Variants in KMT2E observed in about 807,000 individuals in gnomAD.
The protein encoded by KMT2E is histone reader KMT2E.
KMT2E carries 30 observed loss-of-function variants against 184.6 expected under a neutral mutation model. The ratio of observed to expected loss-of-function variants is 0.16; its 90% CI spans 0.12 to 0.22. The LOEUF is 0.22. Ranked by LOEUF, KMT2E falls within the 10% of genes least tolerant of loss-of-function variation. KMT2E has a pLI of 1.00. For missense variants in KMT2E, 2,023 were observed against 2,237.4 expected, an observed-to-expected ratio of 0.90 and a Z score of 1.93; for synonymous variants, 815 against 776.5, an observed-to-expected ratio of 1.05 and a Z score of -0.82.
chr7:105,061,559 C>A (rs942954836), intron 3 of KMT2E, among the ~76,000 whole-genome samples: 2 of 152,144 alleles, frequency 1.3e-5, no homozygotes, highest in African/African-American at 2.4e-5. Context: ...AAGTCAACAA[C>A]AGTGGGCAAA....
chr7:105,102,886 TAC>T (rs1257943850), intron 17 of KMT2E: 8 of 152,276 alleles, frequency 5.3e-5, no homozygotes, highest in African/African-American at 1.4e-4. Context: ...CCTAATTCAG[TAC>T]AGTTTGTAGG....
At chr7:105,057,826 T>C (rs1796633577) in intron 3 of KMT2E, among the ~76,000 whole-genome samples, 1 of 152,216 alleles carries the variant, frequency 6.6e-6, no homozygotes, top group South Asian at 2.1e-4. Context: ...TATCTATCAC[T>C]AACAGTTGAG....
At chr7:105,091,375 G>A (rs1473602344) in intron 15 of KMT2E, 61 bp downstream of exon 15, 1 of 905,980 alleles carries the variant, frequency 1.1e-6, no homozygotes, top group Admixed American at 1.8e-5. Context: ...GGTAATTGTT[G>A]CTGCCTTTAC....
At chr7:105,081,879 CT>C (rs1562914915) in intron 13 of KMT2E, 82 bp downstream of exon 13, 3 of 610,470 alleles carry the variant, frequency 4.9e-6, no homozygotes, top group South Asian at 2.5e-5. Context: ...ATTGTCATTA[CT>C]TTTATAGCTT....
chr7:105,061,922 TGAGA>T (rs768787013), intron 3 of KMT2E: 5 of 332,218 alleles, frequency 1.5e-5, no homozygotes, highest in Admixed American at 4.7e-5. Context: ...TTTTTTTTAA[TGAGA>T]GAGAGGGAAA....
intron 13 of KMT2E, among the ~76,000 whole-genome samples, chr7:105,087,107 C>T (rs1371349447): frequency 6.8e-6 from 1 of 146,304 alleles, no homozygotes; most frequent in Non-Finnish European, 1.5e-5. Flanking sequence ...TACATTATAG[C>T]ATATGTGCTA....
chr7:105,071,364 GT>G (rs1171885317), intron 6 of KMT2E, among the ~76,000 whole-genome samples: 2 of 150,670 alleles, frequency 1.3e-5, no homozygotes, highest in Non-Finnish European at 1.5e-5. Flanking sequence ...TTTTGTTGTT[GT>G]TTTTTGTTTT....
intron 3 of KMT2E, among the ~76,000 whole-genome samples, chr7:105,060,347 G>A (rs1796764658): frequency 6.6e-6 from 1 of 152,048 alleles, no homozygotes; most frequent in Non-Finnish European, 1.5e-5. Context: ...TAATACAATG[G>A]TGGTCCCATA....
chr7:105,025,866 A>G (rs1253506766), intron 1 of KMT2E, among the ~76,000 whole-genome samples: 1 of 152,186 alleles, frequency 6.6e-6, no homozygotes, highest in South Asian at 2.1e-4. Flanking sequence ...AAAAGATTAC[A>G]GGGAAAAAAT....
chr7:105,073,733 G>T, intron 7 of KMT2E, 56 bp downstream of exon 7: 1 of 1,022,662 alleles, frequency 9.8e-7, no homozygotes, highest in Non-Finnish European at 1.5e-6. Context: ...AGAATAAACG[G>T]TTCTCTCAAC....
intron 15 of KMT2E, among the ~76,000 whole-genome samples, chr7:105,096,571 A>T (rs892540444): frequency 2.0e-5 from 3 of 150,910 alleles, no homozygotes; most frequent in African/African-American, 7.2e-5. Flanking sequence ...TGGAATTTTT[A>T]TACCACCACA....
At chr7:105,030,984 G>T (rs1486842277) in intron 1 of KMT2E, among the ~76,000 whole-genome samples, 2 of 152,150 alleles carry the variant, frequency 1.3e-5, no homozygotes, top group Non-Finnish European at 2.9e-5. Flanking sequence ...TGAAAGAAAT[G>T]GATTCAAAAT....
chr7:105,110,748 T>G (rs748479027), intron 25 of KMT2E, 23 bp from the exon 26 acceptor site: 1 of 1,600,000 alleles, frequency 6.3e-7, no homozygotes, highest in South Asian at 1.1e-5. Context: ...TTATACTTAC[T>G]ATAGGTTTCT....
intron 12 of KMT2E, among the ~76,000 whole-genome samples, chr7:105,080,387 T>G (rs1185422818): frequency 2.1e-5 from 3 of 142,022 alleles, no homozygotes; most frequent in Non-Finnish European, 3.1e-5. Flanking sequence ...AATGTAGGTG[T>G]TTTTTTTTTT....
chr7:105,081,017 A>G (rs1338684778), intron 12 of KMT2E, among the ~76,000 whole-genome samples: 1 of 152,006 alleles, frequency 6.6e-6, no homozygotes, highest in Admixed American at 6.6e-5. Flanking sequence ...CAACAACAGC[A>G]ACAACAAAAA....
At chr7:105,064,171 T>G (rs1796937387) in intron 5 of KMT2E, 5 of 266,136 alleles carry the variant, frequency 1.9e-5, no homozygotes, top group South Asian at 3.1e-5. Context: ...TTGGTTTTTT[T>G]TTTTTTTTTT....
At chr7:105,072,621 A>T (rs1797369167) in intron 6 of KMT2E, among the ~76,000 whole-genome samples, 1 of 152,170 alleles carries the variant, frequency 6.6e-6, no homozygotes, top group African/African-American at 2.4e-5. Flanking sequence ...GGAGTGGGTA[A>T]TGAAGTATTT....
At chr7:105,061,823 G>T (rs75647219) in intron 3 of KMT2E, 11,559 of 179,246 alleles carry the variant, frequency 0.064, 433 homozygotes, top group Admixed American at 0.1. Flanking sequence ...TTTTAGTCTT[G>T]CTTAAATTAT....
chr7:105,054,684 T>C (rs1796502941), intron 3 of KMT2E, among the ~76,000 whole-genome samples: 1 of 152,054 alleles, frequency 6.6e-6, no homozygotes, highest in Non-Finnish European at 1.5e-5. Context: ...CTGGCTAATT[T>C]TGTATTTTTA....
Sources: gnomAD v4.1 joint callset for allele counts (sites outside exome capture counted in the v4.1 genomes callset) on GRCh38, gnomAD v4.1.1 for gene constraint, MANE v1.5 for transcripts, NCBI Gene and HGNC (gene_info 2026-07-23, HGNC 2026-07-21) for gene names.